The following SORCS3 variants were observed in gnomAD, a reference collection of about 807,000 sequenced individuals.
SORCS3 encodes sortilin related VPS10 domain containing receptor 3.
Under a neutral mutation model 146.3 loss-of-function variants are expected in SORCS3, and 57 were observed. The ratio of observed to expected loss-of-function variants is 0.39; its 90% CI spans 0.31 to 0.49. The LOEUF is 0.49. SORCS3 is among the 20% of genes least tolerant of loss of function. The pLI is 0.92. For synonymous variants in SORCS3, 653 were observed against 618.5 expected (o/e 1.06, Z -0.83); for missense variants, 1,341 against 1,575.5 (o/e 0.85, Z 2.52).
At chr10:105,243,611 T>A (rs1036498983) in intron 20 of SORCS3, among the ~76,000 whole-genome samples, 14 of 152,172 alleles carry the variant, frequency 9.2e-5, no homozygotes, top group Non-Finnish European at 1.9e-4. Flanking sequence ...CAGTCATAAG[T>A]ATGGGAAAGA....
chr10:104,967,502 A>G (rs1430525717), intron 3 of SORCS3, among the ~76,000 whole-genome samples: 1 of 152,150 alleles, frequency 6.6e-6, no homozygotes, highest in Non-Finnish European at 1.5e-5. Flanking sequence ...AAATTTTATA[A>G]CCATTGAACA....
chr10:104,942,875 G>A (rs149925151), intron 3 of SORCS3, among the ~76,000 whole-genome samples: 13 of 152,238 alleles, frequency 8.5e-5, no homozygotes, highest in South Asian at 2.1e-4. Flanking sequence ...CCTAAGATTA[G>A]CAATCTAAGA....
chr10:104,831,781 A>G (rs1458463185), intron 1 of SORCS3, among the ~76,000 whole-genome samples: 1 of 152,138 alleles, frequency 6.6e-6, no homozygotes, highest in Admixed American at 6.5e-5. Context: ...GAAAACCTGC[A>G]CCTTGCTGGG....
At chr10:104,896,860 T>C (rs1344709351) in intron 2 of SORCS3, among the ~76,000 whole-genome samples, 1 of 152,214 alleles carries the variant, frequency 6.6e-6, no homozygotes, top group Non-Finnish European at 1.5e-5. Context: ...GAGTAGCTGT[T>C]ACAGAGACCA....
chr10:104,713,256 A>G (rs2016439593), intron 1 of SORCS3, among the ~76,000 whole-genome samples: 1 of 152,122 alleles, frequency 6.6e-6, no homozygotes, highest in African/African-American at 2.4e-5. Flanking sequence ...TCTTCCCAAC[A>G]CAAGGTTGTC....
At chr10:105,107,535 C>T (rs921042782) in intron 7 of SORCS3, among the ~76,000 whole-genome samples, 1 of 152,044 alleles carries the variant, frequency 6.6e-6, no homozygotes, top group Non-Finnish European at 1.5e-5. Flanking sequence ...CTGAAACATT[C>T]CTTTTTTATT....
At chr10:104,777,938 A>G (rs932373168) in intron 1 of SORCS3, among the ~76,000 whole-genome samples, 1 of 152,114 alleles carries the variant, frequency 6.6e-6, no homozygotes, top group Non-Finnish European at 1.5e-5. Context: ...AGAGGTAGAG[A>G]GTGAAATGGT....
intron 20 of SORCS3, among the ~76,000 whole-genome samples, chr10:105,242,787 T>C (rs1339039406): frequency 1.7e-4 from 18 of 105,094 alleles, no homozygotes; most frequent in Non-Finnish European, 2.9e-4. Flanking sequence ...TTTATATATT[T>C]ATATACATTT....
intron 13 of SORCS3, among the ~76,000 whole-genome samples, chr10:105,169,658 G>A (rs1305963834): frequency 2.6e-5 from 4 of 152,254 alleles, no homozygotes; most frequent in Non-Finnish European, 5.9e-5. Context: ...TTACATGCCA[G>A]TTTAAGGGAT....
At chr10:105,188,155 AAAG>A (rs546522004) in intron 14 of SORCS3, among the ~76,000 whole-genome samples, 381 of 152,302 alleles carry the variant, frequency 2.5e-3, no homozygotes, top group Non-Finnish European at 4.1e-3. Context: ...CTAGCCTGAG[AAAG>A]AATAACATGC....
At chr10:104,852,933 G>A (rs1160118197) in intron 2 of SORCS3, among the ~76,000 whole-genome samples, 2 of 152,234 alleles carry the variant, frequency 1.3e-5, no homozygotes, top group Non-Finnish European at 2.9e-5. Context: ...CTGGAGCTGT[G>A]CTTGAGATAA....
chr10:104,654,621 G>A (rs1176594194), intron 1 of SORCS3, among the ~76,000 whole-genome samples: 1 of 152,160 alleles, frequency 6.6e-6, no homozygotes, highest in Non-Finnish European at 1.5e-5. Context: ...CATTGGCTTG[G>A]TGGTTCCTCT....
At chr10:105,161,911 T>C (rs1397951846) in intron 11 of SORCS3, among the ~76,000 whole-genome samples, 1 of 152,072 alleles carries the variant, frequency 6.6e-6, no homozygotes, top group Non-Finnish European at 1.5e-5. Flanking sequence ...CCGTGCCAGC[T>C]CCACAGCTAA....
At chr10:104,764,899 A>G (rs888349280) in intron 1 of SORCS3, among the ~76,000 whole-genome samples, 5 of 152,060 alleles carry the variant, frequency 3.3e-5, no homozygotes, top group African/African-American at 2.4e-5. Flanking sequence ...CTGGTAGTCA[A>G]CTCTGATGGA....
chr10:105,225,830 A>G (rs940387563), intron 20 of SORCS3, among the ~76,000 whole-genome samples: 1 of 151,968 alleles, frequency 6.6e-6, no homozygotes, highest in East Asian at 1.9e-4. Flanking sequence ...TTCATTTTTG[A>G]TGGTGCTAAA....
intron 5 of SORCS3, among the ~76,000 whole-genome samples, chr10:105,072,239 C>T (rs2055561283): frequency 6.6e-6 from 1 of 152,138 alleles, no homozygotes; most frequent in Admixed American, 6.6e-5. Flanking sequence ...AGTTAGCTGA[C>T]TCTGGGCTCT....
At chr10:104,920,083 T>G (rs11192232) in intron 3 of SORCS3, among the ~76,000 whole-genome samples, 13,076 of 152,300 alleles carry the variant, frequency 0.086, 737 homozygotes, top group South Asian at 0.25. Context: ...GGCAAGATGG[T>G]TTAGATTTGG....
intron 1 of SORCS3, among the ~76,000 whole-genome samples, chr10:104,778,016 A>G (rs897071659): frequency 3.9e-5 from 6 of 152,280 alleles, no homozygotes; most frequent in Admixed American, 1.3e-4. Flanking sequence ...GAGTATGAAA[A>G]TACAGTTAGA....
chr10:104,919,258 A>G (rs140550829), intron 3 of SORCS3, among the ~76,000 whole-genome samples: 1 of 152,340 alleles, frequency 6.6e-6, no homozygotes, highest in East Asian at 1.9e-4. Flanking sequence ...AAACATCACC[A>G]AAGTGTAGTT....
Sources: gnomAD v4.1 joint callset for allele counts (sites outside exome capture counted in the v4.1 genomes callset) on GRCh38, gnomAD v4.1.1 for gene constraint, MANE v1.5 for transcripts, NCBI Gene and HGNC (gene_info 2026-07-23, HGNC 2026-07-21) for gene names.